Variants in IGFL2 observed in about 807,000 individuals in gnomAD.
IGFL2 encodes insulin growth factor-like family member 2.
IGFL2 carries 7 observed loss-of-function variants against 13.9 expected under a neutral mutation model. That is an observed-to-expected ratio of 0.51 (90% CI 0.29 to 0.95). The LOEUF is 0.95. Ranked by LOEUF, IGFL2 falls within the 40% of genes least tolerant of loss-of-function variation. The probability of loss-of-function intolerance (pLI) is 0.08; values close to 1 mark genes in which losing one functional copy is unlikely to be tolerated. For synonymous variants in IGFL2, 55 were observed against 55.8 expected (o/e 0.99, Z 0.07); for missense variants, 138 against 147.8 (o/e 0.93, Z 0.34).
At chr19:46,201,537 C>T in the IGFL2 span, among the ~76,000 whole-genome samples, 5 of 152,232 alleles carry the variant, frequency 3.3e-5, no homozygotes, top group Non-Finnish European at 5.9e-5. Context: ...GTCCCCAACC[C>T]AGCCCTGACT....
chr19:46,095,710 A>G, the IGFL2 span, among the ~76,000 whole-genome samples: 2 of 152,122 alleles, frequency 1.3e-5, no homozygotes, highest in Non-Finnish European at 2.9e-5. Context: ...TTTTTGTGTA[A>G]GATGTAAGGA....
At chr19:46,169,392 A>G in the IGFL2 span, among the ~76,000 whole-genome samples, 1 of 152,192 alleles carries the variant, frequency 6.6e-6, no homozygotes, top group South Asian at 2.1e-4. Flanking sequence ...ATAAAAATAC[A>G]AAGTAAAATA....
the IGFL2 span, among the ~76,000 whole-genome samples, chr19:46,100,285 T>C: frequency 1.3e-5 from 2 of 152,262 alleles, no homozygotes; most frequent in Non-Finnish European, 2.9e-5. Flanking sequence ...GGCTGCTGAC[T>C]GTTAATCAAG....
the IGFL2 span, chr19:46,120,468 C>CACCAGTGTGTAGCTTGACTGCT: frequency 2.7e-6 from 4 of 1,479,350 alleles, no homozygotes; most frequent in Non-Finnish European, 3.7e-6. Flanking sequence ...TTGACTGCTA[C>CACCAGTGTGTAGCTTGACTGCT]ACCAGATGTG....
chr19:46,188,275 G>T, the IGFL2 span, among the ~76,000 whole-genome samples: 1 of 152,104 alleles, frequency 6.6e-6, no homozygotes, highest in Non-Finnish European at 1.5e-5. Context: ...CAGGGTTAGT[G>T]GGGGGCCCAG....
chr19:46,186,494 A>C, the IGFL2 span, among the ~76,000 whole-genome samples: 1 of 152,186 alleles, frequency 6.6e-6, no homozygotes, highest in South Asian at 2.1e-4. Context: ...TCCTGCAGGG[A>C]AAGAGTGCTA....
chr19:46,144,825 C>G (rs563967323), upstream of IGFL2, among the ~76,000 whole-genome samples: 2 of 152,262 alleles, frequency 1.3e-5, no homozygotes, highest in East Asian at 1.9e-4. Context: ...TTCACTCTTT[C>G]CTATAGTTTT....
At chr19:46,173,069 G>A in the IGFL2 span, among the ~76,000 whole-genome samples, 2 of 152,218 alleles carry the variant, frequency 1.3e-5, no homozygotes, top group Non-Finnish European at 2.9e-5. Context: ...GAAGATTAAA[G>A]GTCTTTGGGT....
intron 1 of IGFL2, among the ~76,000 whole-genome samples, chr19:46,156,385 TG>T (rs1973824402): frequency 6.6e-6 from 1 of 152,182 alleles, no homozygotes; most frequent in Admixed American, 6.5e-5. Context: ...TAAATGGTAA[TG>T]GAGAATTGGC....
chr19:46,092,097 T>C, the IGFL2 span, among the ~76,000 whole-genome samples: 2 of 152,344 alleles, frequency 1.3e-5, no homozygotes, highest in East Asian at 1.9e-4. Flanking sequence ...TTTCATTCAC[T>C]GTCAAGGCTC....
chr19:46,200,156 T>A, the IGFL2 span, among the ~76,000 whole-genome samples: 4 of 151,868 alleles, frequency 2.6e-5, no homozygotes, highest in African/African-American at 9.7e-5. Flanking sequence ...CTGCCCTAAT[T>A]TTTTTTAATT....
chr19:46,200,473 C>CCTTATCTTTT, the IGFL2 span, among the ~76,000 whole-genome samples: 1 of 134,174 alleles, frequency 7.5e-6, no homozygotes, highest in African/African-American at 2.8e-5. Context: ...CACACCTGGC[C>CCTTATCTTTT]CTTTTCTTTT....
the IGFL2 span, among the ~76,000 whole-genome samples, chr19:46,090,865 G>C: frequency 6.6e-6 from 1 of 152,180 alleles, no homozygotes; most frequent in African/African-American, 2.4e-5. Context: ...CGGTTGCAGG[G>C]GTCTGCCTAA....
downstream of IGFL2, among the ~76,000 whole-genome samples, chr19:46,162,744 C>T (rs1023926736): frequency 6.6e-6 from 1 of 152,170 alleles, no homozygotes; most frequent in African/African-American, 2.4e-5. Context: ...TTGCCATCCT[C>T]CTGAATTTCA....
chr19:46,089,269 T>C, the IGFL2 span, among the ~76,000 whole-genome samples: 1 of 152,236 alleles, frequency 6.6e-6, no homozygotes, highest in African/African-American at 2.4e-5. Flanking sequence ...CTCTACACTT[T>C]TACTGCTCTG....
intron 1 of IGFL2, among the ~76,000 whole-genome samples, chr19:46,153,815 G>A (rs904989760): frequency 1.4e-5 from 2 of 144,264 alleles, no homozygotes; most frequent in African/African-American, 5.1e-5. Flanking sequence ...AATTATATAT[G>A]TGTATATATA....
chr19:46,120,981 GTTTATT>G, the IGFL2 span, among the ~76,000 whole-genome samples: 1 of 150,474 alleles, frequency 6.6e-6, no homozygotes, highest in Non-Finnish European at 1.5e-5. Flanking sequence ...GAAGCCTTAG[GTTTATT>G]TTTAATTCAT....
the IGFL2 span, among the ~76,000 whole-genome samples, chr19:46,193,995 C>T: frequency 4.6e-5 from 7 of 152,154 alleles, no homozygotes; most frequent in Admixed American, 6.5e-5. Context: ...AGAAACTTTG[C>T]GGTCATCAGA....
At chr19:46,160,149 A>G in intron 1 of IGFL2, 1 of 489,278 alleles carries the variant, frequency 2.0e-6, no homozygotes, top group East Asian at 3.6e-5. Context: ...CCAACTGGTA[A>G]ACTTCAGCAT....
Sources: allele counts gnomAD v4.1 joint callset (sites outside exome capture counted in the v4.1 genomes callset), GRCh38; gene constraint gnomAD v4.1.1; transcripts MANE v1.5; gene names NCBI Gene and HGNC (gene_info 2026-07-23, HGNC 2026-07-21).